ZBTB17: variants seen among roughly 807,000 people sequenced by gnomAD.
ZBTB17 encodes the protein zinc finger and BTB domain containing 17, also known as zinc finger and BTB domain-containing protein 17.
Under a neutral mutation model 85.1 loss-of-function variants are expected in ZBTB17, and 24 were observed. The observed-to-expected ratio is 0.28, with a 90% CI of 0.20 to 0.40. The LOEUF is 0.40. Ranked by LOEUF, ZBTB17 falls within the 10% of genes least tolerant of loss-of-function variation. The pLI, the probability that ZBTB17 is intolerant of heterozygous loss-of-function variation, is 1.00. For synonymous variants in ZBTB17, 464 were observed against 460.2 expected (o/e 1.01, Z -0.11); for missense variants, 743 against 1,105.1 (o/e 0.67, Z 4.65).
At position 15,951,332 on chromosome 1, in the gene ZBTB17, G is replaced by A. The variant is rs113705386; in HGVS notation, c.-2-2835C>T. ...GGAAGGAAGGAAGGGAGAGAGGGAG[G>A]GAGGGAGGGGCCCTGTACCCACAGA... On this transcript the variant is annotated intron_variant, in intron 2 of 15. Transcript: ENST00000375743. The surrounding 1 kb of genome is among the most constrained non-coding windows in gnomAD (Gnocchi z 4.1). Among the ~76,000 whole-genome samples, 7 of 141,848 alleles carry A rather than the reference G, an allele frequency of 4.9e-5. No homozygotes were observed. The highest frequency in any genetic ancestry group is 1.9e-4 in the African/African-American group (6 of 31,978). The allele number at this position is 141,848 out of a possible 152,430, so 93.1% of individuals were successfully genotyped here. A position where few individuals can be genotyped will look rare whatever the true frequency, so the allele number is the denominator to read the frequency against.
intron 5 of ZBTB17, 96 bp downstream of exon 5, chr1:15,946,058 C>T (rs1370814918): frequency 6.3e-7 from 1 of 1,578,546 alleles, no homozygotes; most frequent in Non-Finnish European, 8.6e-7. Context: ...GGTGCAGGTG[C>T]CCGTGCTACC....
At position 15,944,990 on chromosome 1, in the gene ZBTB17, A is replaced by C; in HGVS notation, c.874T>G (p.Tyr292Asp). The C allele has an allele frequency of 6.3e-7, 1 of 1,590,068 alleles. No individual in the cohort carries two copies. Among genetic ancestry groups the C allele is most frequent in the Non-Finnish European group, 8.5e-7 (1 of 1,170,886 alleles). The change falls in exon 7 of 16, where the codon TAC becomes GAC. Residue 292 changes from tyrosine (Y) to aspartate (D), a missense_variant. By Grantham distance (160) the Tyr-to-Asp change is radical. Around this residue, in one of 4 missense-constraint regions of ZBTB17, gnomAD observed 279 missense variants for 269.9 expected, o/e 1.03. Coordinates refer to ENST00000375743, the MANE Select transcript of ZBTB17 (RefSeq NM_003443.3). ...SEARGLRSGTYGDRTESKAYG... is the reference protein window; with the variant it reads ...SEARGLRSGTDGDRTESKAYG... ...GCCTTGGACTCCGTGCGGTCGCCGT[A>C]GGTGCCTGAGCGCAGGCCCCGGGCC...
chr1:15,950,902 C>T (rs936918795), intron 2 of ZBTB17, among the ~76,000 whole-genome samples: 2 of 152,328 alleles, frequency 1.3e-5, no homozygotes, highest in East Asian at 3.9e-4. Context: ...AGCGCAGCCC[C>T]GCCCAGCCAT....
chr1:15,941,909 AC>A lies in ZBTB17; in HGVS notation c.*59del, dbSNP rs976730505. ...ATTTATTCTCTCTAGGGAACAGGCC[AC>A]CCTTCCCGGTTCCAGGGTGCCATCC... is the stretch of plus-strand genomic sequence containing the variant. On this transcript the variant is annotated 3_prime_UTR_variant, in exon 16 of 16. Coordinates refer to ENST00000375743, the MANE Select transcript of ZBTB17 (RefSeq NM_003443.3). The A allele has an allele frequency of 2.6e-6, 4 of 1,545,014 alleles. No individual in the cohort carries two copies. Among genetic ancestry groups the A allele is most frequent in the African/African-American group, 1.4e-5 (1 of 73,674 alleles).
chr1:15,944,082 T>A (rs1349502868), intron 9 of ZBTB17, 187 bp from the exon 10 acceptor site: 10 of 990,220 alleles, frequency 1.0e-5, no homozygotes, highest in Non-Finnish European at 1.5e-5. Context: ...ACCCCATTTT[T>A]TCAGGACCAA....
At chr1:15,955,047 G>A (rs930078784) in intron 2 of ZBTB17, among the ~76,000 whole-genome samples, 3 of 151,956 alleles carry the variant, frequency 2.0e-5, no homozygotes, top group South Asian at 4.1e-4. Flanking sequence ...CCGGCTACTC[G>A]GGAGGCTGAG....
At chr1:15,943,921 G>T (rs1280520913) in intron 9 of ZBTB17, 26 bp from the exon 10 acceptor site, 2 of 1,570,024 alleles carry the variant, frequency 1.3e-6, no homozygotes, top group Admixed American at 1.9e-5. Flanking sequence ...GGTCAGGGGG[G>T]CCACCCCACA....
At chr1:15,944,664 G>C (rs112016746) in intron 8 of ZBTB17, 33 bp downstream of exon 8, 1 of 1,603,114 alleles carries the variant, frequency 6.2e-7, no homozygotes, top group Non-Finnish European at 8.5e-7. Flanking sequence ...GGCCTGGCAG[G>C]GGCCGGGGTA....
At chr1:15,947,160 A>C in intron 3 of ZBTB17, 37 bp from the exon 4 acceptor site, 4 of 1,574,260 alleles carry the variant, frequency 2.5e-6, no homozygotes, top group Non-Finnish European at 2.6e-6. Context: ...GACCCACCTC[A>C]AGATCCGGCA....
intron 2 of ZBTB17, among the ~76,000 whole-genome samples, chr1:15,971,381 CTATATA>C (rs139943728): frequency 7.6e-6 from 1 of 132,442 alleles, no homozygotes. Flanking sequence ...TATACACACA[CTATATA>C]TATATACACA....
At chr1:15,971,453 C>T (rs1278437156) in intron 2 of ZBTB17, among the ~76,000 whole-genome samples, 1 of 133,206 alleles carries the variant, frequency 7.5e-6, no homozygotes, top group South Asian at 2.4e-4. Context: ...TATATACACA[C>T]ACACTATATA....
In ZBTB17 at chr1:15,944,204, C is replaced by T. The variant is rs761498344; in HGVS notation, c.1371+96G>A. 16 of 1,481,342 alleles carry T rather than the reference C, an allele frequency of 1.1e-5. No homozygotes were observed. In the South Asian group the frequency reaches 1.2e-4, roughly 11 times the overall value. 91.8% of individuals were successfully genotyped at this position (1,481,342 alleles called of 1,614,324 possible). The stretch of plus-strand genomic sequence containing the variant: ...AACAAGCTGATGAGCTCCTGGAGGC[C>T]GGGGCTGTGCTCCCCGCCCGCCCCA... On this transcript the variant is annotated intron_variant, in intron 9 of 15. Coordinates refer to ENST00000375743, the MANE Select transcript of ZBTB17 (RefSeq NM_003443.3).
At chr1:15,962,655 C>A (rs1381043299) in intron 2 of ZBTB17, among the ~76,000 whole-genome samples, 1 of 152,230 alleles carries the variant, frequency 6.6e-6, no homozygotes, top group Admixed American at 6.5e-5. Flanking sequence ...GACAAAACTT[C>A]TGTGGACAAA....
At chr1:15,957,676 A>G (rs1462267441) in intron 2 of ZBTB17, among the ~76,000 whole-genome samples, 1 of 152,186 alleles carries the variant, frequency 6.6e-6, no homozygotes, top group Non-Finnish European at 1.5e-5. Flanking sequence ...AGGCTACTAC[A>G]GTAGAGAAGA....
intron 2 of ZBTB17, among the ~76,000 whole-genome samples, chr1:15,960,930 T>C (rs1382913709): frequency 6.6e-6 from 1 of 150,916 alleles, no homozygotes; most frequent in Non-Finnish European, 1.5e-5. Context: ...CTGGGCAACA[T>C]GGTGAGACCC....
rs757428182 is a variant in ZBTB17 at position 15,973,960 on chromosome 1, C to T, written c.-89-835G>A. 7.9e-5 allele frequency among the ~76,000 whole-genome samples: 12 copies of T among 152,044 alleles called. No homozygotes were observed. Among genetic ancestry groups the T allele is most frequent in the African/African-American group, 2.4e-4 (10 of 41,412 alleles). On this transcript the variant is annotated intron_variant, in intron 1 of 15. Transcript: ENST00000375743. This position sits in a 1 kb window ranked among gnomAD's most constrained non-coding sequence, Gnocchi z 4.1. Reference sequence around the variant, plus strand: ...ATCCCAGTACTTTGGGAGGCTGAGGCGGGAGGATCATTTGAGGCCAAGAGT... The same window carrying T: ...ATCCCAGTACTTTGGGAGGCTGAGGTGGGAGGATCATTTGAGGCCAAGAGT...
intron 2 of ZBTB17, among the ~76,000 whole-genome samples, chr1:15,961,847 T>C (rs2072271130): frequency 6.6e-6 from 1 of 152,056 alleles, no homozygotes; most frequent in Non-Finnish European, 1.5e-5. Flanking sequence ...AGTGACGACA[T>C]GGGGTGACGA....
At chr1:15,962,086 G>T (rs1439702104) in intron 2 of ZBTB17, among the ~76,000 whole-genome samples, 1 of 152,036 alleles carries the variant, frequency 6.6e-6, no homozygotes, top group Admixed American at 6.5e-5. Flanking sequence ...AGGTGTCTAT[G>T]GTCCCAGCCA....
intron 12 of ZBTB17, 36 bp from the exon 13 acceptor site, chr1:15,943,230 C>A (rs889205145): frequency 1.2e-6 from 2 of 1,613,852 alleles, no homozygotes; most frequent in Non-Finnish European, 1.7e-6. Flanking sequence ...CATGGAACTG[C>A]CCCAACCTGG....
Sources: allele counts gnomAD v4.1 joint callset (sites outside exome capture counted in the v4.1 genomes callset), GRCh38; gene constraint gnomAD v4.1.1; regional missense constraint gnomAD v4.1.1; non-coding constraint Gnocchi (gnomAD v3.1); transcripts MANE v1.5; gene names NCBI Gene and HGNC (gene_info 2026-07-23, HGNC 2026-07-21).